LARGE1: variants seen among roughly 807,000 people sequenced by gnomAD.
LARGE1 encodes the protein LARGE xylosyl- and glucuronyltransferase 1, also known as xylosyl- and glucuronyltransferase LARGE1.
A neutral mutation model predicts 87.6 loss-of-function variants in LARGE1; 43 were observed. The ratio of observed to expected loss-of-function variants is 0.49; its 90% confidence interval spans 0.38 to 0.63. The LOEUF (loss-of-function observed/expected upper bound fraction) is 0.63. Among genes scored for constraint, LARGE1 ranks in the 30% least tolerant of loss-of-function variants. LARGE1 has a pLI of 0.00. For missense variants in LARGE1, 802 were observed against 1,000.2 expected, an observed-to-expected ratio of 0.80 and a Z score of 2.67; for synonymous variants, 434 against 394.6, an observed-to-expected ratio of 1.10 and a Z score of -1.18.
intron 4 of LARGE1, among the ~76,000 whole-genome samples, chr22:33,620,153 G>A (rs1374419328): frequency 1.3e-5 from 2 of 152,074 alleles, no homozygotes; most frequent in African/African-American, 4.8e-5. Flanking sequence ...CGTCCTTCAG[G>A]GGCACAAGTG....
At chr22:33,826,634 C>T (rs755138764) in intron 1 of LARGE1, among the ~76,000 whole-genome samples, 4 of 152,164 alleles carry the variant, frequency 2.6e-5, no homozygotes, top group Non-Finnish European at 5.9e-5. Flanking sequence ...AGCCATCAAC[C>T]CGGCCTTGCC....
At chr22:33,418,115 T>G (rs570301061) in intron 7 of LARGE1, among the ~76,000 whole-genome samples, 9 of 152,064 alleles carry the variant, frequency 5.9e-5, no homozygotes, top group Non-Finnish European at 1.2e-4. Flanking sequence ...GCCTGGCTAA[T>G]TGTTTGTATT....
At chr22:33,292,052 C>T (rs562663458) in intron 12 of LARGE1, among the ~76,000 whole-genome samples, 6 of 152,178 alleles carry the variant, frequency 3.9e-5, no homozygotes, top group East Asian at 1.9e-4. Flanking sequence ...CGAGATCGTG[C>T]CACTGTACTC....
intron 11 of LARGE1, among the ~76,000 whole-genome samples, chr22:33,265,791 C>T (rs1382892506): frequency 6.6e-6 from 1 of 152,186 alleles, no homozygotes; most frequent in Non-Finnish European, 1.5e-5. Context: ...GTTAAGGCTC[C>T]ATAAATATCT....
At chr22:33,829,006 C>CTTTT (rs776583343) in intron 1 of LARGE1, among the ~76,000 whole-genome samples, 110 of 94,760 alleles carry the variant, frequency 1.2e-3, no homozygotes, top group African/African-American at 1.8e-3. Flanking sequence ...GTCTCTTTTT[C>CTTTT]TTTTTTTTTT....
intron 5 of LARGE1, among the ~76,000 whole-genome samples, chr22:33,572,950 T>C (rs1217240986): frequency 6.6e-6 from 1 of 152,160 alleles, no homozygotes; most frequent in Non-Finnish European, 1.5e-5. Context: ...GTTTGAATAC[T>C]GGCTCCATCA....
At chr22:33,544,244 A>G (rs1219229860) in intron 6 of LARGE1, among the ~76,000 whole-genome samples, 1 of 152,174 alleles carries the variant, frequency 6.6e-6, no homozygotes, top group Non-Finnish European at 1.5e-5. Context: ...GTAATAAATC[A>G]TATCTGTGAG....
chr22:33,548,280 C>G (rs1327968343), intron 6 of LARGE1, among the ~76,000 whole-genome samples: 1 of 152,226 alleles, frequency 6.6e-6, no homozygotes, highest in African/African-American at 2.4e-5. Context: ...ATGCCTGCCC[C>G]CGCTCTGCCT....
intron 6 of LARGE1, among the ~76,000 whole-genome samples, chr22:33,442,481 C>A (rs552894088): frequency 1.3e-5 from 2 of 152,152 alleles, no homozygotes; most frequent in Non-Finnish European, 2.9e-5. Context: ...AATTCTGATA[C>A]AGGGTAGGTT....
chr22:33,128,499 A>G, the LARGE1 span, among the ~76,000 whole-genome samples: 1 of 152,022 alleles, frequency 6.6e-6, no homozygotes. Context: ...ACATGGTGAA[A>G]CCACGTCTCT....
chr22:33,096,560 G>A, the LARGE1 span, among the ~76,000 whole-genome samples: 1 of 127,532 alleles, frequency 7.8e-6, no homozygotes, highest in African/African-American at 3.1e-5. Context: ...GTTTGTTTTT[G>A]TTTTTGTTTT....
intron 9 of LARGE1, among the ~76,000 whole-genome samples, chr22:33,359,720 C>T (rs566534007): frequency 2.7e-5 from 4 of 149,216 alleles, no homozygotes; most frequent in South Asian, 2.3e-4. Context: ...CCCACCACCA[C>T]GCCCGGCTAA....
At chr22:33,623,717 A>C (rs1025095776) in intron 4 of LARGE1, among the ~76,000 whole-genome samples, 5 of 152,036 alleles carry the variant, frequency 3.3e-5, no homozygotes, top group Admixed American at 2.0e-4. Context: ...AAAAAAAAAA[A>C]AAAAAAAACC....
rs748107802 is a variant in LARGE1, at chr22:33,304,357, C to A, written c.1602G>T (p.Val534=). 1.2e-6 allele frequency: 2 copies of A among 1,614,278 alleles called. No homozygotes were observed. Among genetic ancestry groups the A allele is most frequent in the South Asian group, 2.2e-5 (2 of 91,086 alleles). ...CGGGGTAGAACTGGCCCTCCTTGTA[C>A]ACGATGTGGTAGCCCACGTTGTGGC... is the stretch of plus-strand genomic sequence containing the variant. The part of the protein sequence containing the change: ...MSRHNVGYHI[V]YKEGQFYPVN... The change falls in exon 12 of 15, where the codon GTG becomes GTT. Residue 534 remains valine, a synonymous_variant. Transcript: ENST00000397394.
intron 9 of LARGE1, among the ~76,000 whole-genome samples, chr22:33,343,386 C>T (rs11089619): frequency 0.29 from 43,556 of 151,916 alleles, 6,393 homozygotes; most frequent in African/African-American, 0.37. Flanking sequence ...TCCCAAACGG[C>T]TAGGATTACA....
the LARGE1 span, among the ~76,000 whole-genome samples, chr22:33,126,209 GAACACACT>G: frequency 6.6e-6 from 1 of 152,208 alleles, no homozygotes; most frequent in African/African-American, 2.4e-5. Flanking sequence ...AAGTTTCAGG[GAACACACT>G]TAGGGTTAGA....
chr22:33,255,832 T>C (rs1030094336), intron 11 of LARGE1, among the ~76,000 whole-genome samples: 1 of 152,214 alleles, frequency 6.6e-6, no homozygotes, highest in African/African-American at 2.4e-5. Context: ...GTCAGACTCA[T>C]TTTGAGGGTC....
chr22:33,104,889 C>CTTTCTT, the LARGE1 span, among the ~76,000 whole-genome samples: 6,751 of 89,142 alleles, frequency 0.076, 273 homozygotes, highest in Non-Finnish European at 0.11. Context: ...GACTTTCTCT[C>CTTTCTT]TCTTTCTTTC....
chr22:33,622,065 T>C (rs1172762944), intron 4 of LARGE1, among the ~76,000 whole-genome samples: 1 of 152,158 alleles, frequency 6.6e-6, no homozygotes, highest in Non-Finnish European at 1.5e-5. Context: ...GTGGTGCTAC[T>C]TGGCAACCTC....
Sources: gnomAD v4.1 joint callset for allele counts (sites outside exome capture counted in the v4.1 genomes callset) on GRCh38, gnomAD v4.1.1 for gene constraint, MANE v1.5 for transcripts, NCBI Gene and HGNC (gene_info 2026-07-23, HGNC 2026-07-21) for gene names.